ADAMTS17: variants seen among roughly 807,000 people sequenced by gnomAD.
The protein encoded by ADAMTS17 is A disintegrin and metalloproteinase with thrombospondin motifs 17.
ADAMTS17 carries 113 observed loss-of-function variants against 141.5 expected under a neutral mutation model. That is an observed-to-expected ratio of 0.80 (90% CI 0.69 to 0.93). The LOEUF (loss-of-function observed/expected upper bound fraction) is 0.93, where lower values mean the gene tolerates loss of function less well. Among genes scored for constraint, ADAMTS17 ranks in the 40% least tolerant of loss-of-function variants. ADAMTS17 has a pLI of 0.00. For synonymous variants in ADAMTS17, 768 were observed against 630.6 expected (o/e 1.22, Z -3.27); for missense variants, 1,659 against 1,517.9 (o/e 1.09, Z -1.54).
intron 7 of ADAMTS17, among the ~76,000 whole-genome samples, chr15:100,220,638 A>G (rs1354276716): frequency 6.6e-6 from 1 of 152,160 alleles, no homozygotes; most frequent in Non-Finnish European, 1.5e-5. Context: ...CATCACTCTT[A>G]TAGCTAGGGT....
chr15:100,316,337 T>C (rs2045564973), intron 3 of ADAMTS17, among the ~76,000 whole-genome samples: 1 of 152,200 alleles, frequency 6.6e-6, no homozygotes, highest in African/African-American at 2.4e-5. Flanking sequence ...GCCCACTCCC[T>C]TGGCCTGCAC....
intron 3 of ADAMTS17, among the ~76,000 whole-genome samples, chr15:100,308,648 A>G (rs557942262): frequency 5.6e-4 from 86 of 152,322 alleles, no homozygotes; most frequent in African/African-American, 1.6e-3. Flanking sequence ...GATTCATGAA[A>G]AAAGAAAAAA....
chr15:100,109,431 C>T (rs778014214), intron 13 of ADAMTS17, among the ~76,000 whole-genome samples: 7 of 146,760 alleles, frequency 4.8e-5, no homozygotes, highest in East Asian at 2.0e-4. Flanking sequence ...CTAATCTCTA[C>T]GTTGAATACA....
chr15:100,059,694 A>C (rs2032964281), intron 15 of ADAMTS17, among the ~76,000 whole-genome samples: 1 of 152,116 alleles, frequency 6.6e-6, no homozygotes, highest in African/African-American at 2.4e-5. Flanking sequence ...GCCATGTCAA[A>C]TCCAGAGAGA....
chr15:100,115,171 G>A (rs958071515), intron 13 of ADAMTS17, among the ~76,000 whole-genome samples: 1 of 152,204 alleles, frequency 6.6e-6, no homozygotes, highest in Admixed American at 6.5e-5. Flanking sequence ...AGAACCAAAT[G>A]GCAGCTCTCT....
In ADAMTS17 at chr15:100,139,130, G is replaced by C. The variant is rs1176597947; in HGVS notation, c.1474-5815C>G. Among the ~76,000 whole-genome samples the C allele has an allele frequency of 6.6e-5, 10 of 151,788 alleles. No homozygotes were observed. In the East Asian group the frequency reaches 1.2e-3, roughly 18 times the overall value. On this transcript the variant is annotated intron_variant, in intron 10 of 21. Transcript: ENST00000268070. ...GAAAAATATAAGGGTTGGCTCTTTG[G>C]GGGGAAACTAGATGAACCTTTTGTT...
chr15:100,304,873 A>C (rs899113359), intron 3 of ADAMTS17, among the ~76,000 whole-genome samples: 2 of 152,216 alleles, frequency 1.3e-5, no homozygotes, highest in African/African-American at 4.8e-5. Context: ...CCTACTCAGC[A>C]TGAAGATGAC....
intron 12 of ADAMTS17, among the ~76,000 whole-genome samples, chr15:100,119,792 G>A (rs570401999): frequency 1.5e-4 from 23 of 152,330 alleles, no homozygotes; most frequent in African/African-American, 5.3e-4. Flanking sequence ...GTCTCTGTGT[G>A]GCCCCTTATC....
At chr15:100,098,728 AGT>A (rs2035917887) in intron 14 of ADAMTS17, among the ~76,000 whole-genome samples, 1 of 152,006 alleles carries the variant, frequency 6.6e-6, no homozygotes, top group South Asian at 2.1e-4. Flanking sequence ...GTCCCCCAGC[AGT>A]GTTTAGCAAA....
intron 18 of ADAMTS17, among the ~76,000 whole-genome samples, chr15:100,035,394 C>G (rs73472440): frequency 6.6e-6 from 1 of 152,078 alleles, no homozygotes; most frequent in Non-Finnish European, 1.5e-5. Flanking sequence ...CATATATTAT[C>G]GAGGAAAGAC....
intron 15 of ADAMTS17, among the ~76,000 whole-genome samples, chr15:100,075,065 C>G (rs2034272758): frequency 1.3e-5 from 2 of 152,060 alleles, no homozygotes; most frequent in Admixed American, 1.3e-4. Flanking sequence ...CTTCCATAGG[C>G]CCGTATATTT....
chr15:100,155,299 A>G lies in ADAMTS17; in HGVS notation c.1203T>C (p.Asp401=). 6.2e-7 allele frequency: 1 copy of G among 1,614,042 alleles called. No individual in the cohort carries two copies. The highest frequency in any genetic ancestry group is 8.5e-7 in the Non-Finnish European group (1 of 1,179,970). ...LGHNLGMNHD[D]DHSSCAGRSH... ...ACCTGCCAGCGCAAGATGAGTGGTCATCGTCGTGGTTCATGCCCAAGCTGT... is the reference window on the plus strand; with the variant it reads ...ACCTGCCAGCGCAAGATGAGTGGTCGTCGTCGTGGTTCATGCCCAAGCTGT... The change falls in exon 9 of 22, where the codon GAT becomes GAC. Residue 401 remains aspartate (D), a synonymous_variant. Coordinates refer to ENST00000268070, the MANE Select transcript of ADAMTS17 (RefSeq NM_139057.4).
At chr15:100,335,305 T>A (rs568604218) in intron 2 of ADAMTS17, among the ~76,000 whole-genome samples, 1 of 152,284 alleles carries the variant, frequency 6.6e-6, no homozygotes, top group Admixed American at 6.5e-5. Context: ...TCAGTTCCTC[T>A]ACCCCCATCT....
At chr15:100,107,366 C>A (rs1022466240) in intron 14 of ADAMTS17, among the ~76,000 whole-genome samples, 8 of 152,130 alleles carry the variant, frequency 5.3e-5, no homozygotes, top group African/African-American at 1.9e-4. Flanking sequence ...GCATGGTGAT[C>A]CTGACACTGA....
intron 8 of ADAMTS17, among the ~76,000 whole-genome samples, chr15:100,188,386 T>G (rs910826603): frequency 6.7e-6 from 1 of 149,902 alleles, no homozygotes; most frequent in Non-Finnish European, 1.5e-5. Flanking sequence ...CACGAAGCCC[T>G]GTCTCTTAAA....
chr15:100,091,010 C>CAAAA (rs556800178), intron 15 of ADAMTS17, among the ~76,000 whole-genome samples: 1 of 54,588 alleles, frequency 1.8e-5, no homozygotes, highest in Non-Finnish European at 3.7e-5. Context: ...TCCGTCTCAA[C>CAAAA]AAAAAAAAAA....
chr15:100,257,275 T>C lies in ADAMTS17; in HGVS notation c.1032-3096A>G, dbSNP rs529438311. On this transcript the variant is annotated intron_variant, in intron 6 of 21. Transcript: ENST00000268070. ...CTGTGAAAACATCAGCCCATTATTA[T>C]CCCAACCTAGGGAATTGCAGCTCTC... is the stretch of plus-strand genomic sequence containing the variant. Among the ~76,000 whole-genome samples the C allele has an allele frequency of 5.6e-4, 86 of 152,268 alleles. 1 individual carries two copies. The East Asian group carries it at 6.2e-3, about 11-fold the overall frequency.
chr15:100,090,228 G>T (rs1427074326), intron 15 of ADAMTS17, among the ~76,000 whole-genome samples: 1 of 152,138 alleles, frequency 6.6e-6, no homozygotes, highest in Non-Finnish European at 1.5e-5. Context: ...CAAAAACTGA[G>T]ATAAAAGTTG....
At chr15:100,267,853 A>G (rs993502429) in intron 4 of ADAMTS17, among the ~76,000 whole-genome samples, 6 of 152,246 alleles carry the variant, frequency 3.9e-5, no homozygotes, top group Non-Finnish European at 1.5e-5. Flanking sequence ...CTATCACCTT[A>G]AGCATTTATC....
Sources: gnomAD v4.1 joint callset for allele counts (sites outside exome capture counted in the v4.1 genomes callset) on GRCh38, gnomAD v4.1.1 for gene constraint, MANE v1.5 for transcripts, NCBI Gene and HGNC (gene_info 2026-07-23, HGNC 2026-07-21) for gene names.